Variants in ZNF365 observed in about 807,000 individuals in gnomAD.
The protein encoded by ZNF365 is zinc finger protein 365, also known as protein ZNF365.
In ZNF365, 22 loss-of-function variants were observed where a neutral mutation model predicts 35.0. The observed-to-expected ratio is 0.63, with a 90% confidence interval of 0.45 to 0.90. The LOEUF is 0.90. ZNF365 is among the 40% of genes least tolerant of loss of function. ZNF365 has a pLI of 0.00. For missense variants in ZNF365, 448 were observed against 500.3 expected (o/e 0.90, Z 1.00); for synonymous variants, 188 against 196.2 (o/e 0.96, Z 0.35).
chr10:62,375,559 C>G (rs1208110700), intron 1 of ZNF365: 1 of 152,386 alleles, frequency 6.6e-6, no homozygotes, highest in African/African-American at 2.4e-5. Flanking sequence ...GGCTTAATGC[C>G]ACTGTGCATA....
At chr10:62,442,350 C>T (rs1459503167) in intron 3 of ZNF365, among the ~76,000 whole-genome samples, 12 of 152,138 alleles carry the variant, frequency 7.9e-5, no homozygotes. Context: ...TGAATCAAAG[C>T]CAGAGTGTAA....
At chr10:62,410,909 C>T (rs921090251) in intron 3 of ZNF365, among the ~76,000 whole-genome samples, 2 of 152,152 alleles carry the variant, frequency 1.3e-5, no homozygotes, top group African/African-American at 4.8e-5. Flanking sequence ...TAAAAGTGTT[C>T]CATTTTCTCT....
rs1839795778 is a variant in ZNF365, at chr10:62,399,800, G to A, written c.*11G>A. On this transcript the variant is annotated 3_prime_UTR_variant, in exon 5 of 5. Coordinates refer to ENST00000395254, the MANE Select transcript of ZNF365 (RefSeq NM_014951.3). Reference sequence around the variant, plus strand: ...GTGAACATCATCTAAAAGGGTGGGTGGTGCTGGACCAATCATCGCTGGGCT... The same window carrying A: ...GTGAACATCATCTAAAAGGGTGGGTAGTGCTGGACCAATCATCGCTGGGCT... 6.2e-7 allele frequency: 1 copy of A among 1,602,368 alleles called. No individual in the cohort carries two copies. The highest frequency in any genetic ancestry group is 8.5e-7 in the Non-Finnish European group (1 of 1,172,928).
intron 4 of ZNF365, among the ~76,000 whole-genome samples, chr10:62,472,757 AT>A (rs1237665546): frequency 3.3e-4 from 50 of 152,180 alleles, no homozygotes; most frequent in Non-Finnish European, 2.9e-4. Flanking sequence ...CCTATTTTAC[AT>A]TTTTTGTACT....
At chr10:62,477,810 G>T (rs745920109) in intron 4 of ZNF365, among the ~76,000 whole-genome samples, 1 of 152,256 alleles carries the variant, frequency 6.6e-6, no homozygotes, top group Admixed American at 6.5e-5. Flanking sequence ...TCCAGGAATA[G>T]CAAACATCAC....
At chr10:62,392,810 T>A (rs1436093785) in intron 3 of ZNF365, among the ~76,000 whole-genome samples, 1 of 152,136 alleles carries the variant, frequency 6.6e-6, no homozygotes, top group Non-Finnish European at 1.5e-5. Flanking sequence ...TTTTGTATTT[T>A]TAATAGAGAC....
chr10:62,436,682 A>G (rs940870853), intron 3 of ZNF365, among the ~76,000 whole-genome samples: 32 of 152,188 alleles, frequency 2.1e-4, no homozygotes, highest in African/African-American at 7.7e-4. Flanking sequence ...GCACTTACTA[A>G]GTTCCTGCTT....
At chr10:62,439,521 A>C (rs878958661) in intron 3 of ZNF365, among the ~76,000 whole-genome samples, 2 of 152,234 alleles carry the variant, frequency 1.3e-5, no homozygotes, top group Non-Finnish European at 2.9e-5. Flanking sequence ...CTTCTGAGAA[A>C]GACATATTCT....
chr10:62,419,484 G>C (rs1463370440), intron 3 of ZNF365, among the ~76,000 whole-genome samples: 1 of 145,140 alleles, frequency 6.9e-6, no homozygotes, highest in East Asian at 2.2e-4. Context: ...TTACAAGCAG[G>C]TTTTTAAAGG....
chr10:62,423,040 TA>T (rs1402590230), intron 3 of ZNF365, among the ~76,000 whole-genome samples: 1 of 152,206 alleles, frequency 6.6e-6, no homozygotes, highest in Non-Finnish European at 1.5e-5. Flanking sequence ...TGGCACCAGC[TA>T]GGGGGAGACT....
At chr10:62,424,381 C>G (rs941069919) in intron 3 of ZNF365, among the ~76,000 whole-genome samples, 3 of 152,186 alleles carry the variant, frequency 2.0e-5, no homozygotes, top group Non-Finnish European at 4.4e-5. Context: ...GCACGATGCT[C>G]TCAGGAATCT....
In ZNF365 at chr10:62,478,451, T is replaced by C. The variant is rs539847744; in HGVS notation, c.982-1425T>C. On this transcript the variant is annotated intron_variant, in intron 4 of 4. Coordinates refer to the ZNF365 transcript ENST00000395255. ...TATGGGAAGTCTTACTTTTACATTA[T>C]TGTCTTTGGCTACATCTCAAGAAAG... is the stretch of plus-strand genomic sequence containing the variant. 1.3e-4 allele frequency among the ~76,000 whole-genome samples: 20 copies of C among 152,354 alleles called. No individual in the cohort carries two copies. The East Asian group carries it at 3.9e-3, about 29-fold the overall frequency.
intron 3 of ZNF365, among the ~76,000 whole-genome samples, chr10:62,398,010 A>G (rs1218944170): frequency 6.6e-6 from 1 of 152,228 alleles, no homozygotes; most frequent in African/African-American, 2.4e-5. Flanking sequence ...TGTACATTAT[A>G]CCAATATGTT....
At chr10:62,474,363 A>G (rs77344294) in intron 4 of ZNF365, among the ~76,000 whole-genome samples, 190 of 152,282 alleles carry the variant, frequency 1.2e-3, no homozygotes, top group African/African-American at 4.3e-3. Context: ...GCTGAAATTT[A>G]AGTTTTCTTA....
chr10:62,445,955 C>G (rs2132468771), intron 3 of ZNF365, among the ~76,000 whole-genome samples: 1 of 152,262 alleles, frequency 6.6e-6, no homozygotes, highest in East Asian at 1.9e-4. Context: ...CTGGTCTTGT[C>G]TCATCGGATA....
At chr10:62,422,672 G>A (rs114864354) in intron 3 of ZNF365, among the ~76,000 whole-genome samples, 1,727 of 152,232 alleles carry the variant, frequency 0.011, 43 homozygotes, top group African/African-American at 0.039. Flanking sequence ...CATTTATTCA[G>A]TTTGGAAATA....
intron 2 of ZNF365, among the ~76,000 whole-genome samples, chr10:62,384,147 G>T (rs1839486579): frequency 6.6e-6 from 1 of 151,256 alleles, no homozygotes; most frequent in African/African-American, 2.4e-5. Context: ...TCGAAGATGG[G>T]GCCGGAAGTG....
chr10:62,449,599 TA>T (rs1245181448), intron 3 of ZNF365, among the ~76,000 whole-genome samples: 4 of 152,192 alleles, frequency 2.6e-5, no homozygotes, highest in Non-Finnish European at 5.9e-5. Flanking sequence ...ATATTTGAAT[TA>T]AAAAAATTCT....
At chr10:62,412,419 A>G (rs1352667952) in intron 3 of ZNF365, among the ~76,000 whole-genome samples, 2 of 152,138 alleles carry the variant, frequency 1.3e-5, no homozygotes, top group Non-Finnish European at 2.9e-5. Flanking sequence ...TCAACATGGT[A>G]TTGGAAGTTC....
Sources: gnomAD v4.1 joint callset for allele counts (sites outside exome capture counted in the v4.1 genomes callset) on GRCh38, gnomAD v4.1.1 for gene constraint, MANE v1.5 for transcripts, NCBI Gene and HGNC (gene_info 2026-07-23, HGNC 2026-07-21) for gene names.